ANKRD30B: variants seen among roughly 807,000 people sequenced by gnomAD.
ANKRD30B encodes the protein ankyrin repeat domain 30B, also known as ankyrin repeat domain-containing protein 30B.
Under a neutral mutation model 202.2 loss-of-function variants are expected in ANKRD30B, and 144 were observed. The observed-to-expected ratio is 0.71, with a 90% CI of 0.62 to 0.82. The LOEUF (loss-of-function observed/expected upper bound fraction) is 0.82. Among genes scored for constraint, ANKRD30B ranks in the 40% least tolerant of loss-of-function variants. The pLI is 0.00. For synonymous variants in ANKRD30B, 508 were observed against 561.3 expected, an observed-to-expected ratio of 0.91 and a Z score of 1.34; for missense variants, 1,487 against 1,669.1, an observed-to-expected ratio of 0.89 and a Z score of 1.90.
chr18:14,787,380 C>A (rs762754508), intron 15 of ANKRD30B, among the ~76,000 whole-genome samples: 8 of 152,058 alleles, frequency 5.3e-5, no homozygotes, highest in Non-Finnish European at 1.2e-4. Flanking sequence ...ATCTGAAGTA[C>A]GTTTGTCTAA....
chr18:14,799,402 G>T, intron 22 of ANKRD30B, 107 bp downstream of exon 22: 1 of 1,119,936 alleles, frequency 8.9e-7, no homozygotes, highest in Non-Finnish European at 1.2e-6. Flanking sequence ...AAATTGGATG[G>T]GAAAATTTGA....
intron 9 of ANKRD30B, among the ~76,000 whole-genome samples, chr18:14,773,446 G>T (rs188367779): frequency 6.6e-6 from 1 of 152,018 alleles, no homozygotes; most frequent in Admixed American, 6.5e-5. Context: ...TAATATGCAT[G>T]ATATATCTTA....
intron 6 of ANKRD30B, among the ~76,000 whole-genome samples, chr18:14,763,458 AGT>A: frequency 6.6e-6 from 1 of 152,202 alleles, no homozygotes; most frequent in East Asian, 1.9e-4. Flanking sequence ...GAGGTAGGAG[AGT>A]CGCTTGAGGT....
rs775938783 is a variant in ANKRD30B at position 14,772,169 on chromosome 18, C to T, written c.1270C>T (p.Arg424Trp). The change falls in exon 9 of 44, where the codon CGG becomes TGG. Residue 424 changes from arginine (R) to tryptophan (W), a missense_variant. Arg to Trp is a moderately radical substitution (Grantham distance 101). Coordinates refer to ENST00000690538, the MANE Select transcript of ANKRD30B (RefSeq NM_001367607.2). ...VEPIFSLFGT[R>W]TIENSQCTKV... ...TTTTCTTTAAAGTCTTTTTGGCACA[C>T]GGACTATTGAAAATTCACAGTGTAC... The T allele has an allele frequency of 1.5e-5, 22 of 1,495,816 alleles. No individual in the cohort carries two copies. The highest frequency in any genetic ancestry group is 1.2e-4 in the South Asian group (9 of 73,854). The allele number at this position is 1,495,816 out of a possible 1,614,324, so 92.7% of individuals were successfully genotyped here. A position where few individuals can be genotyped will look rare whatever the true frequency, so the allele number is the denominator to read the frequency against.
chr18:14,761,787 A>C (rs958709557), intron 6 of ANKRD30B, among the ~76,000 whole-genome samples: 1 of 152,144 alleles, frequency 6.6e-6, no homozygotes, highest in African/African-American at 2.4e-5. Flanking sequence ...TCTGGGCTTT[A>C]TTTAATTTTT....
chr18:14,754,553 A>G (rs1914021861), intron 3 of ANKRD30B, among the ~76,000 whole-genome samples: 1 of 152,186 alleles, frequency 6.6e-6, no homozygotes, highest in South Asian at 2.1e-4. Context: ...TTAGTCAAAA[A>G]CAAAGTATTT....
intron 14 of ANKRD30B, 65 bp downstream of exon 14, chr18:14,784,600 C>A: frequency 1.3e-6 from 2 of 1,495,008 alleles, no homozygotes; most frequent in Non-Finnish European, 1.8e-6. Flanking sequence ...GATAGTCTTT[C>A]TATCCCCAAT....
intron 7 of ANKRD30B, among the ~76,000 whole-genome samples, chr18:14,766,986 G>T (rs1177606250): frequency 6.6e-6 from 1 of 152,148 alleles, no homozygotes; most frequent in Non-Finnish European, 1.5e-5. Flanking sequence ...GTATACTGTT[G>T]ATATGGTTGA....
intron 5 of ANKRD30B, among the ~76,000 whole-genome samples, chr18:14,760,193 C>T (rs551609170): frequency 6.6e-6 from 1 of 152,246 alleles, no homozygotes; most frequent in East Asian, 1.9e-4. Context: ...TCTCTAAAAT[C>T]CTCATTTTTA....
chr18:14,798,493 T>G (rs916471937), intron 20 of ANKRD30B, among the ~76,000 whole-genome samples: 27 of 152,144 alleles, frequency 1.8e-4, no homozygotes, highest in Non-Finnish European at 3.5e-4. Flanking sequence ...AAAAGCTGGT[T>G]ACAAACAATC....
At chr18:14,839,048 A>C (rs1211600571) in intron 36 of ANKRD30B, among the ~76,000 whole-genome samples, 2 of 152,182 alleles carry the variant, frequency 1.3e-5, no homozygotes, top group Non-Finnish European at 2.9e-5. Context: ...AGCAGTTTGG[A>C]AAGTGAGACT....
chr18:14,926,223 C>G, the ANKRD30B span, among the ~76,000 whole-genome samples: 1 of 152,070 alleles, frequency 6.6e-6, no homozygotes. Context: ...ATAGAGGAGG[C>G]AATGTTCCTA....
Position 14,748,629 on chromosome 18 carries a change from T to G in ANKRD30B, c.210T>G (p.Asp70Glu), listed in dbSNP as rs1390592604. 2 of 1,562,432 alleles carry G rather than the reference T, an allele frequency of 1.3e-6. No individual in the cohort carries two copies. The highest frequency in any genetic ancestry group is 1.7e-6 in the Non-Finnish European group (2 of 1,153,700). The change falls in exon 1 of 44, where the codon GAT becomes GAG. Residue 70 changes from aspartate (D) to glutamate (E), a missense_variant. Asp to Glu is a conservative substitution (Grantham distance 45). Around this residue, in one of 6 missense-constraint regions of ANKRD30B, gnomAD observed 889 missense variants for 841.4 expected, o/e 1.06. Transcript: ENST00000690538. Reference sequence around the variant, plus strand: ...AGCCCGTCAACCTGAACAAAAGAGATATGAAGAAGAGGTACCAGGCCCTGC... The same window carrying G: ...AGCCCGTCAACCTGAACAAAAGAGAGATGAAGAAGAGGTACCAGGCCCTGC... ...GKKPVNLNKR[D>E]MKKRTALHWA... is the part of the protein sequence containing the mutation.
chr18:14,851,536 G>C lies in ANKRD30B; in HGVS notation c.3592G>C (p.Asp1198His). 1.3e-6 allele frequency: 2 copies of C among 1,551,114 alleles called. No homozygotes were observed. The highest frequency in any genetic ancestry group is 1.7e-6 in the Non-Finnish European group (2 of 1,154,066). Reference sequence around the variant, plus strand: ...TTCTCACACTCATGAAAGTGAAAATGATCTCTTTCATGAAAATTGCATGTT... The same window carrying C: ...TTCTCACACTCATGAAAGTGAAAATCATCTCTTTCATGAAAATTGCATGTT... Reference protein sequence around the residue: ...QVSHTHESENDLFHENCMLKK... With the variant: ...QVSHTHESENHLFHENCMLKK... The change falls in exon 42 of 44, where the codon GAT (aspartate) becomes CAT (histidine). Residue 1198 changes from aspartate to histidine, a missense_variant. Physicochemically the swap from Asp to His is moderately conservative, Grantham distance 81 (BLOSUM62 -1). Coordinates refer to ENST00000690538, the MANE Select transcript of ANKRD30B (RefSeq NM_001367607.2).
chr18:14,765,254 T>C (rs1915928108), intron 7 of ANKRD30B, among the ~76,000 whole-genome samples: 1 of 151,412 alleles, frequency 6.6e-6, no homozygotes, highest in African/African-American at 2.4e-5. Flanking sequence ...AGGTTAGGAG[T>C]TCGTTCGAGA....
the ANKRD30B span, among the ~76,000 whole-genome samples, chr18:14,923,330 G>T: frequency 2.0e-5 from 3 of 152,148 alleles, no homozygotes; most frequent in Non-Finnish European, 2.9e-5. Flanking sequence ...CTGACTGAAG[G>T]GCCCTTGGGT....
At chr18:14,897,231 G>A in the ANKRD30B span, among the ~76,000 whole-genome samples, 1 of 152,244 alleles carries the variant, frequency 6.6e-6, no homozygotes, top group South Asian at 2.1e-4. Context: ...TGAGAGGGTG[G>A]AAAAAGAGTC....
chr18:14,890,988 CTAAA>C, the ANKRD30B span, among the ~76,000 whole-genome samples: 10 of 151,910 alleles, frequency 6.6e-5, no homozygotes, highest in Admixed American at 6.6e-4. Context: ...TAATGACACA[CTAAA>C]TAAAGTAAAA....
At chr18:14,809,269 A>G (rs1969762982) in intron 26 of ANKRD30B, among the ~76,000 whole-genome samples, 1 of 151,032 alleles carries the variant, frequency 6.6e-6, no homozygotes, top group Non-Finnish European at 1.5e-5. Context: ...AGAATTTACA[A>G]TATAGTGTGT....
Sources: allele counts gnomAD v4.1 joint callset (sites outside exome capture counted in the v4.1 genomes callset), GRCh38; gene constraint gnomAD v4.1.1; regional missense constraint gnomAD v4.1.1; transcripts MANE v1.5; gene names NCBI Gene and HGNC (gene_info 2026-07-23, HGNC 2026-07-21).